KLHL3: variants seen among roughly 807,000 people sequenced by gnomAD.
KLHL3 encodes the protein kelch-like protein 3.
Under a neutral mutation model 70.5 loss-of-function variants are expected in KLHL3, and 19 were observed. That is an observed-to-expected ratio of 0.27 (90% CI 0.19 to 0.40). The LOEUF (loss-of-function observed/expected upper bound fraction) is 0.40, where lower values mean the gene tolerates loss of function less well. Ranked by LOEUF, KLHL3 falls within the 10% of genes least tolerant of loss-of-function variation. KLHL3 has a pLI of 1.00. For synonymous variants in KLHL3, 258 were observed against 290.3 expected, an observed-to-expected ratio of 0.89 and a Z score of 1.13; for missense variants, 512 against 771.1, an observed-to-expected ratio of 0.66 and a Z score of 3.98.
chr5:137,699,666 C>G (rs977798155), intron 3 of KLHL3, among the ~76,000 whole-genome samples: 4 of 152,158 alleles, frequency 2.6e-5, no homozygotes, highest in Non-Finnish European at 4.4e-5. Flanking sequence ...TTATCGAAAG[C>G]CAGGCCCATT....
intron 3 of KLHL3, among the ~76,000 whole-genome samples, chr5:137,699,970 C>T (rs1490541186): frequency 1.3e-5 from 2 of 152,142 alleles, no homozygotes; most frequent in Admixed American, 6.5e-5. Flanking sequence ...ATGACTGGAA[C>T]GGAGAGAAAA....
At chr5:137,650,322 C>T (rs1458449554) in intron 8 of KLHL3, among the ~76,000 whole-genome samples, 4 of 152,156 alleles carry the variant, frequency 2.6e-5, no homozygotes, top group Non-Finnish European at 4.4e-5. Flanking sequence ...TCTCTGTGCT[C>T]CCAGAGTGTT....
chr5:137,629,597 T>A (rs754980478), intron 12 of KLHL3: 1 of 152,238 alleles, frequency 6.6e-6, no homozygotes, highest in Non-Finnish European at 1.5e-5. Flanking sequence ...TACCTTGTCC[T>A]CGTCTGCTTC....
rs1261215955 is a variant in KLHL3, at chr5:137,620,620, A to T, written c.*1478T>A. On this transcript the variant is annotated 3_prime_UTR_variant, in exon 15 of 15. Coordinates refer to ENST00000309755, the MANE Select transcript of KLHL3 (RefSeq NM_017415.3). ...AGCAATTTGCTAGTTTAGGAACAGC[A>T]CAACTTTAAGGTTTTTTAAATACAA... 1 of 152,244 alleles carries T rather than the reference A, an allele frequency of 6.6e-6. No individual in the cohort carries two copies. The allele number at this position is 152,244 out of a possible 1,614,324, so 9.4% of individuals were successfully genotyped here.
intron 6 of KLHL3, chr5:137,673,909 C>T (rs1481762448): frequency 2.0e-5 from 3 of 152,162 alleles, no homozygotes; most frequent in African/African-American, 7.2e-5. Flanking sequence ...AGGTCACAAC[C>T]ACTCTCTGAC....
chr5:137,652,102 C>T lies in KLHL3; in HGVS notation c.903+6029G>A, dbSNP rs563545295. On this transcript the variant is annotated intron_variant, in intron 8 of 14. Coordinates refer to ENST00000309755, the MANE Select transcript of KLHL3 (RefSeq NM_017415.3). Reference sequence around the variant, plus strand: ...ATAGGCCTAAGTGTAAAACCTAAAACTTCTAGAAGAAAGTATAGGAGAAAA... The same window carrying T: ...ATAGGCCTAAGTGTAAAACCTAAAATTTCTAGAAGAAAGTATAGGAGAAAA... Among the ~76,000 whole-genome samples the T allele has an allele frequency of 7.6e-4, 115 of 151,736 alleles. 4 individuals are homozygous for T. The South Asian group carries it at 0.018, about 24-fold the overall frequency.
At chr5:137,679,556 G>T (rs544959876) in intron 5 of KLHL3, among the ~76,000 whole-genome samples, 2 of 152,200 alleles carry the variant, frequency 1.3e-5, no homozygotes, top group African/African-American at 4.8e-5. Context: ...CTTAGAGCTC[G>T]TAAGACTGTA....
chr5:137,650,311 C>A (rs958941620), intron 8 of KLHL3, among the ~76,000 whole-genome samples: 1 of 152,194 alleles, frequency 6.6e-6, no homozygotes, highest in African/African-American at 2.4e-5. Context: ...CTCCTTACCC[C>A]TCTCTGTGCT....
intron 1 of KLHL3, among the ~76,000 whole-genome samples, chr5:137,724,043 G>T (rs945870733): frequency 1.3e-5 from 2 of 152,182 alleles, no homozygotes. Flanking sequence ...TGGGGAAAGC[G>T]ATGTCTTTCC....
chr5:137,722,187 T>C (rs906453371), intron 1 of KLHL3, among the ~76,000 whole-genome samples: 2 of 152,224 alleles, frequency 1.3e-5, no homozygotes, highest in African/African-American at 4.8e-5. Context: ...TTAGAGTATA[T>C]TTCAGAGGCC....
intron 8 of KLHL3, among the ~76,000 whole-genome samples, chr5:137,644,812 C>A (rs1366632417): frequency 6.6e-6 from 1 of 152,170 alleles, no homozygotes; most frequent in Non-Finnish European, 1.5e-5. Flanking sequence ...CAGATTTATT[C>A]TTTGAAGCCA....
chr5:137,662,114 A>AGAG (rs1554092410), intron 6 of KLHL3, 83 bp from the exon 7 acceptor site: 47 of 513,952 alleles, frequency 9.1e-5, no homozygotes, highest in South Asian at 2.6e-4. Context: ...AAAAAAAAAA[A>AGAG]AGAGAGAGAG....
chr5:137,727,044 A>G (rs1219111761), intron 1 of KLHL3, among the ~76,000 whole-genome samples: 1 of 152,040 alleles, frequency 6.6e-6, no homozygotes, highest in Non-Finnish European at 1.5e-5. Context: ...CACATATCCA[A>G]TGTCTTATTT....
At chr5:137,665,340 T>G (rs1328996221) in intron 6 of KLHL3, among the ~76,000 whole-genome samples, 2 of 152,192 alleles carry the variant, frequency 1.3e-5, no homozygotes, top group Non-Finnish European at 2.9e-5. Flanking sequence ...ATAATATTCC[T>G]AGATCAATAT....
At chr5:137,652,599 G>A (rs35716092) in intron 8 of KLHL3, among the ~76,000 whole-genome samples, 35,830 of 152,040 alleles carry the variant, frequency 0.24, 4,714 homozygotes, top group East Asian at 0.49. Flanking sequence ...ACTCATACGC[G>A]GAATCTAAAA....
At chr5:137,710,828 G>C (rs1181256578) in intron 2 of KLHL3, among the ~76,000 whole-genome samples, 1 of 152,132 alleles carries the variant, frequency 6.6e-6, no homozygotes, top group East Asian at 1.9e-4. Context: ...ATGAGATAGG[G>C]CTAATTGTTA....
At chr5:137,637,536 T>C (rs1580723228) in intron 10 of KLHL3, 141 bp from the exon 11 acceptor site, 5 of 675,412 alleles carry the variant, frequency 7.4e-6, no homozygotes, top group African/African-American at 1.8e-5. Context: ...TGCATCACCA[T>C]GCGGCCTGTG....
At chr5:137,695,483 A>G (rs780553436) in intron 4 of KLHL3, among the ~76,000 whole-genome samples, 5 of 152,192 alleles carry the variant, frequency 3.3e-5, no homozygotes, top group Non-Finnish European at 5.9e-5. Context: ...GTGGGAAAAA[A>G]AAGTCAAGGA....
At chr5:137,642,794 C>T (rs1293821209) in intron 8 of KLHL3, among the ~76,000 whole-genome samples, 1 of 151,956 alleles carries the variant, frequency 6.6e-6, no homozygotes, top group Non-Finnish European at 1.5e-5. Context: ...AGAGCTTTTC[C>T]CATCTTTTGA....
Sources: allele counts gnomAD v4.1 joint callset (sites outside exome capture counted in the v4.1 genomes callset), GRCh38; gene constraint gnomAD v4.1.1; transcripts MANE v1.5; gene names NCBI Gene and HGNC (gene_info 2026-07-23, HGNC 2026-07-21).